The following TTC7A variants were observed in gnomAD, a reference collection of about 807,000 sequenced individuals.
TTC7A encodes tetratricopeptide repeat domain 7A.
Under a neutral mutation model 103.7 loss-of-function variants are expected in TTC7A, and 110 were observed. The observed-to-expected ratio is 1.06, with a 90% CI of 0.91 to 1.24. The LOEUF (loss-of-function observed/expected upper bound fraction) is 1.24. Among genes scored for constraint, TTC7A ranks in the 50% most tolerant of loss-of-function variants. The pLI is 0.00. For synonymous variants in TTC7A, 521 were observed against 467.9 expected, an observed-to-expected ratio of 1.11 and a Z score of -1.47; for missense variants, 1,340 against 1,116.3, an observed-to-expected ratio of 1.20 and a Z score of -2.86.
chr2:46,932,497 T>G (rs961867146), intron 2 of TTC7A, among the ~76,000 whole-genome samples: 1 of 152,186 alleles, frequency 6.6e-6, no homozygotes. Context: ...GAGTTTGCTG[T>G]ATAATGATTA....
At chr2:47,027,045 G>A (rs1679996159) in intron 14 of TTC7A, among the ~76,000 whole-genome samples, 1 of 152,164 alleles carries the variant, frequency 6.6e-6, no homozygotes, top group Non-Finnish European at 1.5e-5. Flanking sequence ...CTTTATCCCA[G>A]GGCCAGGCCT....
chr2:46,955,946 G>A (rs912589155), intron 2 of TTC7A, among the ~76,000 whole-genome samples: 1 of 152,222 alleles, frequency 6.6e-6, no homozygotes, highest in Non-Finnish European at 1.5e-5. Flanking sequence ...ATCAGAGGCA[G>A]GGGGCCAGAG....
At chr2:46,986,250 G>A (rs969715556) in intron 5 of TTC7A, among the ~76,000 whole-genome samples, 1 of 152,184 alleles carries the variant, frequency 6.6e-6, no homozygotes, top group African/African-American at 2.4e-5. Context: ...AGCCTCTTGG[G>A]TTGTTTGGGA....
chr2:47,073,702 G>A lies in TTC7A; in HGVS notation c.2356G>A (p.Gly786Ser), dbSNP rs1400145409. 3 of 1,613,822 alleles carry A rather than the reference G, an allele frequency of 1.9e-6. No homozygotes were observed. The highest frequency in any genetic ancestry group is 1.3e-5 in the African/African-American group (1 of 75,064). ...ACCCTGCCCTGTGCTTCGTCCACAG[G>A]GTCTGATGCTGAGTCGGCTGGGCCA... ...PDGVRIMHSL[G>S]LMLSRLGHKS... The change falls in exon 20 of 20, where the codon GGT becomes AGT. Residue 786 changes from glycine (G) to serine (S), a missense_variant and splice_region_variant. Gly to Ser is a moderately conservative substitution (Grantham distance 56). Coordinates refer to ENST00000319190, the MANE Select transcript of TTC7A (RefSeq NM_020458.4).
intron 2 of TTC7A, among the ~76,000 whole-genome samples, chr2:46,930,201 G>C (rs1669618391): frequency 6.6e-6 from 1 of 151,966 alleles, no homozygotes; most frequent in Non-Finnish European, 1.5e-5. Context: ...ATGTAATAGA[G>C]AGGATCATTA....
intron 18 of TTC7A, among the ~76,000 whole-genome samples, chr2:47,058,725 T>G (rs1683521616): frequency 6.6e-6 from 1 of 152,206 alleles, no homozygotes; most frequent in South Asian, 2.1e-4. Context: ...GGACAAAGGC[T>G]GAGTGCCCAG....
chr2:47,012,161 C>T (rs975258826), intron 11 of TTC7A, among the ~76,000 whole-genome samples: 13 of 152,218 alleles, frequency 8.5e-5, no homozygotes, highest in Admixed American at 2.6e-4. Context: ...CTGCTCCAGG[C>T]CTATGGGGGC....
intron 1 of TTC7A, among the ~76,000 whole-genome samples, chr2:46,949,128 G>T (rs958700346): frequency 1.3e-5 from 2 of 152,202 alleles, no homozygotes; most frequent in African/African-American, 4.8e-5. Context: ...TGAACACCCG[G>T]CTCCCATGCT....
chr2:47,060,652 G>T lies in TTC7A; in HGVS notation c.2153-117G>T. On this transcript the variant is annotated intron_variant, in intron 18 of 19. Transcript: ENST00000319190. ...TCAGTGTGTCCCATGCTGTGATTTG[G>T]TGGGATAGAGTTTGTCACCTAAGAC... is the stretch of plus-strand genomic sequence containing the variant. 4.5e-6 allele frequency: 4 copies of T among 893,138 alleles called. 1 individual carries two copies. In the South Asian group the frequency reaches 5.0e-5, roughly 11 times the overall value. 55.3% of individuals were successfully genotyped at this position (893,138 alleles called of 1,614,324 possible). A position where few individuals can be genotyped will look rare whatever the true frequency, so the allele number is the denominator to read the frequency against.
intron 5 of TTC7A, among the ~76,000 whole-genome samples, chr2:46,991,853 C>T (rs993978937): frequency 2.6e-5 from 4 of 152,070 alleles, no homozygotes; most frequent in Non-Finnish European, 5.9e-5. Flanking sequence ...GGCAGGCTAG[C>T]GAAGGTCATC....
At position 46,985,630 on chromosome 2, in the gene TTC7A, C is replaced by G. The variant is rs79885510; in HGVS notation, c.764+6723C>G. On this transcript the variant is annotated intron_variant, in intron 5 of 19. Transcript: ENST00000319190. ...AGAAAGGAGAGGTTAAGTAACTTGC[C>G]CAAAGTCAGAGCTCACAGGTGTAGA... is the stretch of plus-strand genomic sequence containing the variant. Among the ~76,000 whole-genome samples the G allele has an allele frequency of 4.8e-3, 726 of 152,118 alleles. 2 individuals are homozygous for G. Among genetic ancestry groups the G allele is most frequent in the Non-Finnish European group, 7.9e-3 (540 of 67,986 alleles).
intron 5 of TTC7A, among the ~76,000 whole-genome samples, chr2:46,990,285 G>A (rs1675495288): frequency 6.6e-6 from 1 of 152,210 alleles, no homozygotes; most frequent in Non-Finnish European, 1.5e-5. Flanking sequence ...TAGCTGGCCT[G>A]GCCTGTGGCC....
At chr2:47,059,319 C>G (rs763941052) in intron 18 of TTC7A, among the ~76,000 whole-genome samples, 2 of 152,068 alleles carry the variant, frequency 1.3e-5, no homozygotes, top group Non-Finnish European at 2.9e-5. Flanking sequence ...GTAGCCCAGC[C>G]ACCTGCATTT....
intron 5 of TTC7A, among the ~76,000 whole-genome samples, chr2:46,991,952 C>T (rs1010259742): frequency 8.5e-5 from 13 of 152,310 alleles, no homozygotes; most frequent in African/African-American, 3.1e-4. Context: ...CAGAGCTTTC[C>T]AGAAGGCAAG....
At chr2:47,021,603 A>G (rs1399530023) in intron 11 of TTC7A, among the ~76,000 whole-genome samples, 2 of 152,230 alleles carry the variant, frequency 1.3e-5, no homozygotes, top group African/African-American at 4.8e-5. Flanking sequence ...CGAGCAGGAC[A>G]GGCACAGACA....
chr2:47,053,548 TTGGTTGG>T lies in TTC7A; in HGVS notation c.2152+1670_2152+1676del, dbSNP rs1558633133. Among the ~76,000 whole-genome samples, 1,012 of 143,468 alleles carry T rather than the reference TTGGTTGG, an allele frequency of 7.1e-3. 9 individuals are homozygous for T. The highest frequency in any genetic ancestry group is 0.027 in the African/African-American group (922 of 34,642). 94.1% of individuals were successfully genotyped at this position (143,468 alleles called of 152,430 possible). ...TGGGTTTTTTTGTTTGTTTGTTTGG[TTGGTTGG>T]TTGGTTGGTTGGTTGGTTGGTTGGT... On this transcript the variant is annotated intron_variant, in intron 18 of 19. Transcript: ENST00000319190.
intron 15 of TTC7A, among the ~76,000 whole-genome samples, chr2:47,038,011 G>A (rs1375481271): frequency 1.3e-5 from 2 of 152,142 alleles, no homozygotes; most frequent in South Asian, 2.1e-4. Context: ...AGCACTTTGG[G>A]ATGCCGAGGC....
intron 2 of TTC7A, chr2:46,956,535 T>G: frequency 2.9e-6 from 1 of 344,050 alleles, no homozygotes; most frequent in Non-Finnish European, 5.4e-6. Context: ...TTGGGGGGAT[T>G]CAGGAGAGGG....
intron 2 of TTC7A, among the ~76,000 whole-genome samples, chr2:46,934,586 A>G (rs1669870818): frequency 6.6e-6 from 1 of 151,902 alleles, no homozygotes; most frequent in African/African-American, 2.4e-5. Flanking sequence ...TGACTTTTCA[A>G]TAGATAGACT....
Sources: gnomAD v4.1 joint callset for allele counts (sites outside exome capture counted in the v4.1 genomes callset) on GRCh38, gnomAD v4.1.1 for gene constraint, MANE v1.5 for transcripts, NCBI Gene and HGNC (gene_info 2026-07-23, HGNC 2026-07-21) for gene names.